Variants in SSBP2 observed in about 807,000 individuals in gnomAD.
SSBP2 encodes the protein single-stranded DNA-binding protein 2.
SSBP2 carries 17 observed loss-of-function variants against 61.8 expected under a neutral mutation model. The observed-to-expected ratio is 0.28, with a 90% confidence interval of 0.19 to 0.41. The LOEUF (loss-of-function observed/expected upper bound fraction) is 0.41, where lower values mean the gene tolerates loss of function less well. Among genes scored for constraint, SSBP2 ranks in the 10% least tolerant of loss-of-function variants. The pLI is 1.00. For missense variants in SSBP2, 310 were observed against 458.7 expected, an observed-to-expected ratio of 0.68 and a Z score of 2.96; for synonymous variants, 139 against 141.3, an observed-to-expected ratio of 0.98 and a Z score of 0.12.
At chr5:81,562,195 C>T (rs374727422) in intron 4 of SSBP2, among the ~76,000 whole-genome samples, 2 of 152,068 alleles carry the variant, frequency 1.3e-5, no homozygotes, top group Admixed American at 6.6e-5. Context: ...CTTGAGCCAC[C>T]GCCCCCGGCC....
chr5:81,519,526 C>T (rs1769294827), intron 4 of SSBP2, among the ~76,000 whole-genome samples: 1 of 152,108 alleles, frequency 6.6e-6, no homozygotes, highest in Non-Finnish European at 1.5e-5. Context: ...CAGGTTCTTA[C>T]TGATGGAATA....
chr5:81,437,795 CAT>C (rs549074257), intron 14 of SSBP2: 48 of 159,880 alleles, frequency 3.0e-4, no homozygotes, highest in African/African-American at 9.9e-4. Flanking sequence ...GTATATATAA[CAT>C]ATATAGAGAT....
At chr5:81,656,797 A>T (rs1455345874) in intron 1 of SSBP2, among the ~76,000 whole-genome samples, 1 of 152,176 alleles carries the variant, frequency 6.6e-6, no homozygotes, top group Admixed American at 6.5e-5. Context: ...TGTAGCAAAA[A>T]CTTTAAAAAC....
chr5:81,607,924 C>T (rs1170784490), intron 4 of SSBP2, among the ~76,000 whole-genome samples: 3 of 152,118 alleles, frequency 2.0e-5, no homozygotes, highest in African/African-American at 4.8e-5. Flanking sequence ...TACTGGGTTA[C>T]AGAACATAAC....
chr5:81,674,535 A>C (rs1188148239), intron 1 of SSBP2, among the ~76,000 whole-genome samples: 1 of 152,216 alleles, frequency 6.6e-6, no homozygotes, highest in Non-Finnish European at 1.5e-5. Context: ...TAGAATCATT[A>C]AACAGTAAGA....
intron 15 of SSBP2, among the ~76,000 whole-genome samples, chr5:81,429,502 A>G (rs538159890): frequency 2.6e-5 from 4 of 152,312 alleles, no homozygotes; most frequent in African/African-American, 9.6e-5. Context: ...GTAGAATGAC[A>G]TTGGACTATA....
At chr5:81,708,053 C>A (rs1196078083) in intron 1 of SSBP2, among the ~76,000 whole-genome samples, 1 of 152,074 alleles carries the variant, frequency 6.6e-6, no homozygotes, top group East Asian at 1.9e-4. Flanking sequence ...GTTAAAGCAC[C>A]TTATGGTCAA....
intron 1 of SSBP2, among the ~76,000 whole-genome samples, chr5:81,729,626 T>G (rs1756122184): frequency 6.6e-6 from 1 of 152,190 alleles, no homozygotes; most frequent in Non-Finnish European, 1.5e-5. Context: ...CTCATAGTAT[T>G]TAACACTATG....
intron 4 of SSBP2, among the ~76,000 whole-genome samples, chr5:81,614,402 A>G (rs1581170001): frequency 6.8e-6 from 1 of 148,084 alleles, no homozygotes; most frequent in Non-Finnish European, 1.5e-5. Context: ...AGTCCCTGCC[A>G]GGTAGCCAAG....
chr5:81,702,973 A>T (rs1754095671), intron 1 of SSBP2, among the ~76,000 whole-genome samples: 1 of 152,210 alleles, frequency 6.6e-6, no homozygotes, highest in African/African-American at 2.4e-5. Flanking sequence ...GATATTACAC[A>T]CATTCCCCAC....
At chr5:81,449,106 T>G (rs1763597034) in intron 10 of SSBP2, among the ~76,000 whole-genome samples, 1 of 152,210 alleles carries the variant, frequency 6.6e-6, no homozygotes, top group Admixed American at 6.5e-5. Flanking sequence ...ATGATACTAA[T>G]TACTTATTCT....
chr5:81,482,352 C>T (rs10474030), intron 6 of SSBP2, among the ~76,000 whole-genome samples: 1 of 151,952 alleles, frequency 6.6e-6, no homozygotes, highest in Admixed American at 6.5e-5. Context: ...ATCAGCCTGC[C>T]CTTTAAAGCT....
At position 81,609,521 on chromosome 5, in the gene SSBP2, T is replaced by C. The variant is rs544144542; in HGVS notation, c.282+5952A>G. ...CCCTAAAGGGAGAAATTTTTATAAATCTTTGCACCTCCCATAGCTTCAATC... is the reference window on the plus strand; with the variant it reads ...CCCTAAAGGGAGAAATTTTTATAAACCTTTGCACCTCCCATAGCTTCAATC... On this transcript the variant is annotated intron_variant, in intron 4 of 16. Coordinates refer to ENST00000320672, the MANE Select transcript of SSBP2 (RefSeq NM_012446.5). 4.6e-5 allele frequency among the ~76,000 whole-genome samples: 7 copies of C among 152,302 alleles called. No homozygotes were observed. In the South Asian group the frequency reaches 1.5e-3, roughly 32 times the overall value.
At chr5:81,542,829 C>CTT (rs1771393480) in intron 4 of SSBP2, among the ~76,000 whole-genome samples, 2 of 146,784 alleles carry the variant, frequency 1.4e-5, no homozygotes, top group Admixed American at 6.7e-5. Context: ...CTCTCTCTCT[C>CTT]TCTCTCTCTC....
chr5:81,696,789 T>G (rs978731999), intron 1 of SSBP2, among the ~76,000 whole-genome samples: 2 of 152,234 alleles, frequency 1.3e-5, no homozygotes, highest in African/African-American at 4.8e-5. Context: ...TCATATTTCC[T>G]ACACTAAGAA....
intron 4 of SSBP2, among the ~76,000 whole-genome samples, chr5:81,557,073 G>A (rs2153396309): frequency 6.6e-6 from 1 of 152,140 alleles, no homozygotes; most frequent in East Asian, 1.9e-4. Context: ...CCTTAATGTG[G>A]ATAAAAAGAG....
intron 5 of SSBP2, among the ~76,000 whole-genome samples, chr5:81,493,766 AT>A (rs200830383): frequency 0.01 from 1,519 of 151,232 alleles, 17 homozygotes; most frequent in Non-Finnish European, 0.013. Context: ...AAAAAAAAAA[AT>A]AAAATAAAAT....
At chr5:81,491,767 A>C (rs1049610343) in intron 5 of SSBP2, among the ~76,000 whole-genome samples, 1 of 152,250 alleles carries the variant, frequency 6.6e-6, no homozygotes, top group Non-Finnish European at 1.5e-5. Flanking sequence ...ACACAATTAA[A>C]GCACAAAAAG....
chr5:81,682,050 G>A (rs1752427701), intron 1 of SSBP2, among the ~76,000 whole-genome samples: 1 of 152,162 alleles, frequency 6.6e-6, no homozygotes, highest in African/African-American at 2.4e-5. Context: ...ACCTGTATTA[G>A]AAACATTGAA....
Sources: gnomAD v4.1 joint callset for allele counts (sites outside exome capture counted in the v4.1 genomes callset) on GRCh38, gnomAD v4.1.1 for gene constraint, MANE v1.5 for transcripts, NCBI Gene and HGNC (gene_info 2026-07-23, HGNC 2026-07-21) for gene names.